The following LRBA variants were observed in gnomAD, a reference collection of about 807,000 sequenced individuals.
The protein encoded by LRBA is LPS responsive beige-like anchor protein.
Under a neutral mutation model 330.0 loss-of-function variants are expected in LRBA, and 176 were observed. The ratio of observed to expected loss-of-function variants is 0.53; its 90% CI spans 0.47 to 0.60. The LOEUF (loss-of-function observed/expected upper bound fraction) is 0.60. Among genes scored for constraint, LRBA ranks in the 20% least tolerant of loss-of-function variants. The pLI, the probability that LRBA is intolerant of heterozygous loss-of-function variation, is 0.00. For missense variants in LRBA, 3,259 were observed against 3,444.8 expected (o/e 0.95, Z 1.35); for synonymous variants, 1,230 against 1,193.0 (o/e 1.03, Z -0.64).
intron 26 of LRBA, among the ~76,000 whole-genome samples, chr4:150,846,562 G>C (rs1749874980): frequency 6.6e-6 from 1 of 151,492 alleles, no homozygotes; most frequent in African/African-American, 2.4e-5. Context: ...TGGAGACTCA[G>C]AACTCAGAAG....
intron 36 of LRBA, among the ~76,000 whole-genome samples, chr4:150,725,565 G>A (rs1038328308): frequency 2.6e-5 from 4 of 152,178 alleles, no homozygotes; most frequent in African/African-American, 4.8e-5. Context: ...AACACCAGGC[G>A]TGTCCTAAAA....
intron 56 of LRBA, among the ~76,000 whole-genome samples, chr4:150,266,535 G>A (rs932529655): frequency 6.6e-6 from 1 of 152,144 alleles, no homozygotes; most frequent in African/African-American, 2.4e-5. Context: ...AGTTTGGTTA[G>A]GACCAGCCCT....
intron 40 of LRBA, among the ~76,000 whole-genome samples, chr4:150,526,707 T>C (rs1054861846): frequency 2.0e-5 from 3 of 152,170 alleles, no homozygotes; most frequent in African/African-American, 7.2e-5. Flanking sequence ...TTCTTTCCTT[T>C]TGGAATATTT....
chr4:150,997,827 C>T (rs924327575), intron 2 of LRBA, among the ~76,000 whole-genome samples: 1 of 151,854 alleles, frequency 6.6e-6, no homozygotes. Context: ...CCTGAGCCTC[C>T]CGAGTAGCTG....
intron 34 of LRBA, among the ~76,000 whole-genome samples, chr4:150,788,656 G>A (rs779890501): frequency 4.6e-5 from 7 of 151,604 alleles, no homozygotes; most frequent in Admixed American, 2.6e-4. Flanking sequence ...AGCTACTTGG[G>A]AAGCTGAGGC....
At chr4:150,589,259 A>G (rs1772521271) in intron 39 of LRBA, among the ~76,000 whole-genome samples, 1 of 152,212 alleles carries the variant, frequency 6.6e-6, no homozygotes, top group Non-Finnish European at 1.5e-5. Context: ...TTCAAAATTC[A>G]GATGAATTGA....
At chr4:150,942,959 T>C (rs1025555570) in intron 2 of LRBA, among the ~76,000 whole-genome samples, 2 of 152,196 alleles carry the variant, frequency 1.3e-5, no homozygotes, top group African/African-American at 4.8e-5. Context: ...TATATGTTAC[T>C]GAAAATAAAT....
intron 41 of LRBA, among the ~76,000 whole-genome samples, chr4:150,488,717 G>T (rs1258268221): frequency 6.7e-6 from 1 of 148,332 alleles, no homozygotes; most frequent in Non-Finnish European, 1.5e-5. Flanking sequence ...CTAGAAGATG[G>T]TCCTTCTTCT....
At chr4:150,403,261 A>G (rs1358045057) in intron 47 of LRBA, among the ~76,000 whole-genome samples, 2 of 152,236 alleles carry the variant, frequency 1.3e-5, no homozygotes, top group African/African-American at 4.8e-5. Flanking sequence ...TCAGAGCACT[A>G]CTGAAAGCAA....
intron 17 of LRBA, among the ~76,000 whole-genome samples, chr4:150,875,660 T>C (rs1353359697): frequency 1.3e-5 from 2 of 152,078 alleles, no homozygotes; most frequent in South Asian, 2.1e-4. Context: ...GCATTCTCTA[T>C]AGCCACACCC....
chr4:150,675,546 G>A (rs1017426351), intron 37 of LRBA, among the ~76,000 whole-genome samples: 17 of 151,682 alleles, frequency 1.1e-4, no homozygotes, highest in African/African-American at 3.2e-4. Context: ...GTGAAACCCC[G>A]TCTCTACTAC....
chr4:150,592,071 T>A (rs1483405430), intron 38 of LRBA, among the ~76,000 whole-genome samples: 2 of 150,236 alleles, frequency 1.3e-5, no homozygotes, highest in Non-Finnish European at 2.9e-5. Flanking sequence ...GGCTTCCAGC[T>A]AGATAAATCC....
At chr4:150,457,266 T>C (rs1754199674) in intron 44 of LRBA, among the ~76,000 whole-genome samples, 1 of 152,034 alleles carries the variant, frequency 6.6e-6, no homozygotes, top group Non-Finnish European at 1.5e-5. Context: ...TACTGAAAAA[T>C]GTTGTCTTAT....
chr4:150,890,504 A>T (rs1421974939), intron 17 of LRBA, among the ~76,000 whole-genome samples: 4 of 152,162 alleles, frequency 2.6e-5, no homozygotes, highest in Non-Finnish European at 4.4e-5. Flanking sequence ...CACAGGACAG[A>T]AGGTAACTAT....
intron 46 of LRBA, among the ~76,000 whole-genome samples, chr4:150,416,719 C>T (rs1561144499): frequency 6.6e-6 from 1 of 150,992 alleles, no homozygotes; most frequent in Non-Finnish European, 1.5e-5. Flanking sequence ...TTCTCATCTT[C>T]AAAAACAATG....
At chr4:150,353,056 G>A (rs948855367) in intron 47 of LRBA, among the ~76,000 whole-genome samples, 1 of 152,028 alleles carries the variant, frequency 6.6e-6, no homozygotes, top group Admixed American at 6.6e-5. Context: ...ATCAGGGAAG[G>A]ACCTATGCAT....
At chr4:150,598,953 C>A in intron 38 of LRBA, 54 bp downstream of exon 38, 2 of 1,596,430 alleles carry the variant, frequency 1.3e-6, no homozygotes, top group South Asian at 2.2e-5. Flanking sequence ...TTATGCTCTT[C>A]ATTACCAAGT....
chr4:150,747,602 T>C (rs138505933), intron 35 of LRBA, among the ~76,000 whole-genome samples: 2 of 152,344 alleles, frequency 1.3e-5, no homozygotes, highest in Non-Finnish European at 2.9e-5. Context: ...TATAGGACTA[T>C]ATACAAACAG....
In LRBA at chr4:150,321,971, A is replaced by G. The variant is rs1023024437; in HGVS notation, c.7453-603T>C. ...CTTATGAACGTAATATACAAACTTA[A>G]TTATAAAGGTGTTTGAAAGCAATGC... On this transcript the variant is annotated intron_variant, in intron 49 of 56. Coordinates refer to ENST00000651943, the MANE Select transcript of LRBA (RefSeq NM_001364905.1). This position sits in a 1 kb window ranked among gnomAD's most constrained non-coding sequence, Gnocchi z 4.5. Among the ~76,000 whole-genome samples the G allele has an allele frequency of 9.9e-5, 15 of 152,190 alleles. No homozygotes were observed. The highest frequency in any genetic ancestry group is 3.6e-4 in the African/African-American group (15 of 41,450).
Sources: allele counts gnomAD v4.1 joint callset (sites outside exome capture counted in the v4.1 genomes callset), GRCh38; gene constraint gnomAD v4.1.1; non-coding constraint Gnocchi (gnomAD v3.1); transcripts MANE v1.5; gene names NCBI Gene and HGNC (gene_info 2026-07-23, HGNC 2026-07-21).